Variants in TYW1B observed in about 807,000 individuals in gnomAD.
TYW1B encodes the protein S-adenosyl-L-methionine-dependent tRNA 4-demethylwyosine synthase TYW1B.
Under a neutral mutation model 86.9 loss-of-function variants are expected in TYW1B, and 73 were observed. The observed-to-expected ratio is 0.84, with a 90% CI of 0.70 to 1.02. TYW1B has a LOEUF of 1.02. Ranked by LOEUF, TYW1B falls within the 50% of genes least tolerant of loss-of-function variation. The pLI is 0.00. For missense variants in TYW1B, 637 were observed against 827.4 expected, an observed-to-expected ratio of 0.77 and a Z score of 2.82; for synonymous variants, 248 against 292.8, an observed-to-expected ratio of 0.85 and a Z score of 1.56.
intron 11 of TYW1B, among the ~76,000 whole-genome samples, chr7:72,659,256 T>C (rs1431196599): frequency 2.6e-5 from 4 of 152,124 alleles, no homozygotes; most frequent in Admixed American, 2.0e-4. Flanking sequence ...TCAGTTGTGT[T>C]CCTTTAGATT....
chr7:72,593,955 A>G (rs1363496797), intron 13 of TYW1B, among the ~76,000 whole-genome samples: 3 of 151,950 alleles, frequency 2.0e-5, no homozygotes, highest in Non-Finnish European at 2.9e-5. Context: ...GGAAATTAGA[A>G]AATGCTTACA....
chr7:72,800,560 A>G (rs1585993489), intron 6 of TYW1B, among the ~76,000 whole-genome samples: 2 of 152,008 alleles, frequency 1.3e-5, no homozygotes, highest in South Asian at 4.1e-4. Flanking sequence ...CACTTTTAAT[A>G]TATATGAAAT....
intron 13 of TYW1B, among the ~76,000 whole-genome samples, chr7:72,584,099 T>G (rs1384529034): frequency 6.6e-6 from 1 of 152,190 alleles, no homozygotes; most frequent in Non-Finnish European, 1.5e-5. Context: ...CAGACTGGAG[T>G]GCAGTTGTGC....
At chr7:72,800,114 A>G (rs1788379076) in intron 6 of TYW1B, among the ~76,000 whole-genome samples, 1 of 152,150 alleles carries the variant, frequency 6.6e-6, no homozygotes, top group African/African-American at 2.4e-5. Context: ...TACTATCTAT[A>G]TAATTTTTTC....
chr7:72,626,561 G>A (rs1812353708), intron 12 of TYW1B, among the ~76,000 whole-genome samples: 1 of 151,994 alleles, frequency 6.6e-6, no homozygotes, highest in Admixed American at 6.6e-5. Flanking sequence ...CCCCAAATAT[G>A]TCCCCTTTTC....
At chr7:72,622,628 CAA>C (rs1370257082) in intron 12 of TYW1B, among the ~76,000 whole-genome samples, 3 of 151,946 alleles carry the variant, frequency 2.0e-5, no homozygotes, top group Admixed American at 2.0e-4. Context: ...CACACAAACA[CAA>C]ACACACACAC....
At chr7:72,657,373 G>T (rs1813229394) in intron 11 of TYW1B, among the ~76,000 whole-genome samples, 1 of 152,048 alleles carries the variant, frequency 6.6e-6, no homozygotes, top group Admixed American at 6.6e-5. Flanking sequence ...ACATATATTT[G>T]AATTTCAGGA....
chr7:72,670,143 G>C (rs1813563579), intron 11 of TYW1B, among the ~76,000 whole-genome samples: 1 of 152,062 alleles, frequency 6.6e-6, no homozygotes, highest in East Asian at 1.9e-4. Flanking sequence ...AATAGTAATA[G>C]CACTGACATT....
chr7:72,592,174 A>T, intron 13 of TYW1B, among the ~76,000 whole-genome samples: 1 of 151,558 alleles, frequency 6.6e-6, no homozygotes, highest in East Asian at 1.9e-4. Flanking sequence ...AAAAAAAAAA[A>T]AAAAAAAAAA....
At chr7:72,764,892 A>G in intron 7 of TYW1B, among the ~76,000 whole-genome samples, 1 of 152,232 alleles carries the variant, frequency 6.6e-6, no homozygotes, top group East Asian at 1.9e-4. Context: ...TCTATAGTAT[A>G]CAACAATTTG....
chr7:72,750,110 A>G (rs1235911673), intron 7 of TYW1B, among the ~76,000 whole-genome samples: 5 of 151,692 alleles, frequency 3.3e-5, no homozygotes, highest in Non-Finnish European at 7.4e-5. Flanking sequence ...TATATTGCCC[A>G]GGCTGGTCTC....
chr7:72,577,854 T>A (rs544437426), intron 13 of TYW1B, among the ~76,000 whole-genome samples: 2 of 152,212 alleles, frequency 1.3e-5, no homozygotes, highest in South Asian at 2.1e-4. Flanking sequence ...CTAACTCACA[T>A]GTCCTTCATC....
chr7:72,758,242 G>A (rs560054669), intron 7 of TYW1B, among the ~76,000 whole-genome samples: 1 of 152,150 alleles, frequency 6.6e-6, no homozygotes, highest in Admixed American at 6.5e-5. Flanking sequence ...AAAGCTGGGT[G>A]TAGTAGGTAC....
intron 13 of TYW1B, among the ~76,000 whole-genome samples, chr7:72,582,075 ATTT>A (rs35167805): frequency 0.019 from 2,768 of 146,148 alleles, 67 homozygotes; most frequent in African/African-American, 0.057. Flanking sequence ...GGCAAAAAAG[ATTT>A]TTTTTTTTTT....
chr7:72,783,773 T>A (rs1788085887), intron 6 of TYW1B, among the ~76,000 whole-genome samples: 1 of 152,194 alleles, frequency 6.6e-6, no homozygotes, highest in East Asian at 1.9e-4. Context: ...GAAGACAACA[T>A]GGGGACTCAT....
In TYW1B at chr7:72,732,301, A is replaced by G. The variant is rs574028851; in HGVS notation, c.1083-3370T>C. Among the ~76,000 whole-genome samples, 15 of 152,350 alleles carry G rather than the reference A, an allele frequency of 9.8e-5. 1 individual carries two copies. Among genetic ancestry groups the G allele is most frequent in the African/African-American group, 3.6e-4 (15 of 41,586 alleles). ...AACTGACCTAACAGACACTGACAAA[A>G]TATTTCATACTACACCTGCAGAATA... On this transcript the variant is annotated intron_variant, in intron 8 of 13. Transcript: ENST00000620995.
At chr7:72,652,120 G>A (rs1563046315) in intron 11 of TYW1B, among the ~76,000 whole-genome samples, 2 of 152,236 alleles carry the variant, frequency 1.3e-5, no homozygotes, top group East Asian at 1.9e-4. Flanking sequence ...GCTCATGCCT[G>A]TAATCCCAGC....
rs1167197681 is a variant in TYW1B, at chr7:72,593,825, A to T, written c.1786-18106T>A. Reference sequence around the variant, plus strand: ...TGACAGAGCCAGACTCCATCTAAAAAAAAAAAAAAAAAAAAAAAAAAAAAT... The same window carrying T: ...TGACAGAGCCAGACTCCATCTAAAATAAAAAAAAAAAAAAAAAAAAAAAAT... On this transcript the variant is annotated intron_variant, in intron 13 of 13. Coordinates refer to ENST00000620995, the MANE Select transcript of TYW1B (RefSeq NM_001145440.3). Among the ~76,000 whole-genome samples, 407 of 143,040 alleles carry T rather than the reference A, an allele frequency of 2.8e-3. 3 individuals are homozygous for T. Among genetic ancestry groups the T allele is most frequent in the African/African-American group, 9.7e-3 (373 of 38,564 alleles). 93.8% of individuals were successfully genotyped at this position (143,040 alleles called of 152,430 possible). A position where few individuals can be genotyped will look rare whatever the true frequency, so the allele number is the denominator to read the frequency against.
intron 11 of TYW1B, among the ~76,000 whole-genome samples, chr7:72,635,230 T>C (rs1393059469): frequency 6.6e-6 from 1 of 152,194 alleles, no homozygotes; most frequent in Non-Finnish European, 1.5e-5. Flanking sequence ...AGAATCATTG[T>C]CTATGCATGT....
Sources: allele counts gnomAD v4.1 joint callset (sites outside exome capture counted in the v4.1 genomes callset), GRCh38; gene constraint gnomAD v4.1.1; transcripts MANE v1.5; gene names NCBI Gene and HGNC (gene_info 2026-07-23, HGNC 2026-07-21).